The following DSCAM variants were observed in gnomAD, a reference collection of about 807,000 sequenced individuals.
The protein encoded by DSCAM is cell adhesion molecule DSCAM.
Under a neutral mutation model 217.7 loss-of-function variants are expected in DSCAM, and 47 were observed. The ratio of observed to expected loss-of-function variants is 0.22; its 90% CI spans 0.17 to 0.28. The LOEUF (loss-of-function observed/expected upper bound fraction) is 0.28, where lower values mean the gene tolerates loss of function less well. Ranked by LOEUF, DSCAM falls within the 10% of genes least tolerant of loss-of-function variation. The pLI is 1.00. For missense variants in DSCAM, 2,080 were observed against 2,618.3 expected (o/e 0.79, Z 4.49); for synonymous variants, 1,056 against 1,015.3 (o/e 1.04, Z -0.76).
chr21:40,217,224 A>G (rs567515002), intron 11 of DSCAM, among the ~76,000 whole-genome samples: 2 of 152,340 alleles, frequency 1.3e-5, no homozygotes, highest in South Asian at 4.1e-4. Context: ...ATAGAAGCTT[A>G]ATGCAGAAGG....
At position 40,211,521 on chromosome 21, in the gene DSCAM, G is replaced by C. The variant is rs140549366; in HGVS notation, c.2357-22283C>G. On this transcript the variant is annotated intron_variant, in intron 11 of 32. Coordinates refer to ENST00000400454, the MANE Select transcript of DSCAM (RefSeq NM_001389.5). ...CCACCAGCAATGCATGAGAGATCCA[G>C]TTTCTCCACATCTTTGCCAGCATGT... is the stretch of plus-strand genomic sequence containing the variant. Among the ~76,000 whole-genome samples, 667 of 152,290 alleles carry C rather than the reference G, an allele frequency of 4.4e-3. 7 individuals carry two copies. Among genetic ancestry groups the C allele is most frequent in the African/African-American group, 0.015 (644 of 41,554 alleles).
chr21:40,035,791 A>G (rs2088609515), intron 32 of DSCAM, among the ~76,000 whole-genome samples: 1 of 146,768 alleles, frequency 6.8e-6, no homozygotes, highest in South Asian at 2.1e-4. Flanking sequence ...CAAATGTAAA[A>G]GAACAGAAAT....
intron 3 of DSCAM, among the ~76,000 whole-genome samples, chr21:40,464,500 G>T (rs188813740): frequency 1.3e-5 from 2 of 152,192 alleles, no homozygotes; most frequent in African/African-American, 4.8e-5. Context: ...ACACACAAAG[G>T]CATTGCTTTT....
At chr21:40,277,525 G>T (rs1224715634) in intron 10 of DSCAM, among the ~76,000 whole-genome samples, 5 of 152,056 alleles carry the variant, frequency 3.3e-5, no homozygotes, top group Non-Finnish European at 7.3e-5. Context: ...AAATTGATAA[G>T]GTACCTAAGG....
intron 3 of DSCAM, among the ~76,000 whole-genome samples, chr21:40,385,741 C>A (rs2075077893): frequency 6.6e-6 from 1 of 152,142 alleles, no homozygotes; most frequent in African/African-American, 2.4e-5. Context: ...AGCTTCTCGT[C>A]CCCCTCTGAC....
intron 8 of DSCAM, among the ~76,000 whole-genome samples, chr21:40,323,361 C>T (rs575286993): frequency 6.6e-6 from 1 of 152,162 alleles, no homozygotes; most frequent in Admixed American, 6.5e-5. Flanking sequence ...GTGTGTGACA[C>T]ACTCTCCATA....
intron 3 of DSCAM, among the ~76,000 whole-genome samples, chr21:40,409,692 G>A (rs955128073): frequency 6.6e-6 from 1 of 152,208 alleles, no homozygotes; most frequent in Non-Finnish European, 1.5e-5. Context: ...GTGAAAGTAT[G>A]TCTGAATATT....
chr21:40,605,673 A>T lies in DSCAM; in HGVS notation c.508+87137T>A, dbSNP rs373277317. On this transcript the variant is annotated intron_variant, in intron 3 of 32. Transcript: ENST00000400454. ...GCCCCATTTTGCTGATCCCTGCTCT[A>T]TACAGGCTACAGAATGAAAGGCCAT... 1.3e-3 allele frequency among the ~76,000 whole-genome samples: 205 copies of T among 152,256 alleles called. 1 individual carries two copies. The highest frequency in any genetic ancestry group is 4.6e-3 in the African/African-American group (191 of 41,546).
chr21:40,456,382 T>C (rs2075763618), intron 3 of DSCAM, among the ~76,000 whole-genome samples: 2 of 152,096 alleles, frequency 1.3e-5, no homozygotes, highest in African/African-American at 2.4e-5. Context: ...TATGAAACTA[T>C]TGGGATAACA....
intron 3 of DSCAM, among the ~76,000 whole-genome samples, chr21:40,636,890 T>A (rs550472739): frequency 2.7e-5 from 4 of 149,600 alleles, no homozygotes; most frequent in Non-Finnish European, 4.4e-5. Context: ...AAAAGGTTCA[T>A]CAGGAATGGC....
intron 3 of DSCAM, among the ~76,000 whole-genome samples, chr21:40,530,455 T>C (rs984704277): frequency 2.0e-5 from 3 of 152,204 alleles, no homozygotes; most frequent in African/African-American, 2.4e-5. Flanking sequence ...GAACTGAGTT[T>C]ACACTGAAAG....
intron 3 of DSCAM, chr21:40,384,160 C>T (rs1021873592): frequency 3.9e-5 from 6 of 152,252 alleles, no homozygotes; most frequent in Non-Finnish European, 8.8e-5. Flanking sequence ...TTCAGGGAGG[C>T]CCACAGGTTG....
At chr21:40,087,485 A>G (rs1231291630) in intron 21 of DSCAM, among the ~76,000 whole-genome samples, 198 bp from the exon 22 acceptor site, 1 of 152,228 alleles carries the variant, frequency 6.6e-6, no homozygotes, top group African/African-American at 2.4e-5. Flanking sequence ...GAAAATTCCC[A>G]TTGTAGCATT....
chr21:40,670,348 C>T (rs1436010418), intron 3 of DSCAM, among the ~76,000 whole-genome samples: 1 of 148,992 alleles, frequency 6.7e-6, no homozygotes, highest in African/African-American at 2.5e-5. Context: ...CCATCCTGGC[C>T]AACATGGTGA....
intron 3 of DSCAM, among the ~76,000 whole-genome samples, chr21:40,417,670 T>C (rs1023672276): frequency 6.6e-6 from 1 of 152,112 alleles, no homozygotes; most frequent in Non-Finnish European, 1.5e-5. Flanking sequence ...ATATTTCCGG[T>C]CTGGTTCTAG....
intron 3 of DSCAM, among the ~76,000 whole-genome samples, chr21:40,372,009 T>C (rs78162768): frequency 0.016 from 2,511 of 152,266 alleles, 63 homozygotes; most frequent in African/African-American, 0.056. Flanking sequence ...TAAAATAAGG[T>C]TGAAAAGTAG....
rs536832568 is a variant in DSCAM at position 40,607,085 on chromosome 21, GCAGTGTGAAAACA to G, written c.508+85712_508+85724del. Among the ~76,000 whole-genome samples the G allele has an allele frequency of 1.4e-3, 212 of 152,238 alleles. 2 individuals carry two copies. The highest frequency in any genetic ancestry group is 9.1e-3 in the South Asian group (44 of 4,826). On this transcript the variant is annotated intron_variant, in intron 3 of 32. Coordinates refer to ENST00000400454, the MANE Select transcript of DSCAM (RefSeq NM_001389.5). ...CCCAGTCTTGGGTATGTCTTTATTAGCAGTGTGAAAACACAGTCCCACCACTGAGTCATTTTCT... is the reference window on the plus strand; with the variant it reads ...CCCAGTCTTGGGTATGTCTTTATTAGCAGTCCCACCACTGAGTCATTTTCT...
intron 3 of DSCAM, among the ~76,000 whole-genome samples, chr21:40,376,687 TATATC>T (rs2074966627): frequency 1.3e-5 from 1 of 78,970 alleles, no homozygotes; most frequent in Non-Finnish European, 2.6e-5. Context: ...ATATATCATA[TATATC>T]ATATATATCT....
intron 16 of DSCAM, among the ~76,000 whole-genome samples, chr21:40,165,567 G>A (rs2090585751): frequency 6.6e-6 from 1 of 152,210 alleles, no homozygotes; most frequent in East Asian, 1.9e-4. Flanking sequence ...AAATTTAACT[G>A]CAATGCACTG....
Sources: gnomAD v4.1 joint callset for allele counts (sites outside exome capture counted in the v4.1 genomes callset) on GRCh38, gnomAD v4.1.1 for gene constraint, MANE v1.5 for transcripts, NCBI Gene and HGNC (gene_info 2026-07-23, HGNC 2026-07-21) for gene names.